The following PKP4 variants were observed in gnomAD, a reference collection of about 807,000 sequenced individuals.
PKP4 encodes the protein plakophilin-4.
In PKP4, 90 loss-of-function variants were observed where a neutral mutation model predicts 145.1. That is an observed-to-expected ratio of 0.62 (90% CI 0.52 to 0.74). PKP4 has a LOEUF of 0.74. Among genes scored for constraint, PKP4 ranks in the 30% least tolerant of loss-of-function variants. The pLI is 0.00. For missense variants in PKP4, 1,340 were observed against 1,482.7 expected, an observed-to-expected ratio of 0.90 and a Z score of 1.58; for synonymous variants, 563 against 577.2, an observed-to-expected ratio of 0.98 and a Z score of 0.35.
At chr2:158,589,780 G>T (rs2049100035) in intron 3 of PKP4, among the ~76,000 whole-genome samples, 1 of 152,062 alleles carries the variant, frequency 6.6e-6, no homozygotes, top group Admixed American at 6.6e-5. Flanking sequence ...TTACCATTTG[G>T]CAGGTTAAGG....
At chr2:158,676,572 G>C (rs1292347646) in intron 19 of PKP4, among the ~76,000 whole-genome samples, 167 bp from the exon 20 acceptor site, 1 of 152,152 alleles carries the variant, frequency 6.6e-6, no homozygotes, top group Non-Finnish European at 1.5e-5. Flanking sequence ...TGCAGTACTT[G>C]GGTCTAGCTG....
rs2052186237 is a variant in PKP4, at chr2:158,621,120, G to C, written c.411G>C (p.Glu137Asp). ...AACAGACATCTCTCCATGAAAGTGAGGGTCTGTTGTGTTATCTTTTAAGTA... is the reference window on the plus strand; with the variant it reads ...AACAGACATCTCTCCATGAAAGTGACGGTCTGTTGTGTTATCTTTTAAGTA... ...SPEQTSLHES[E>D]GSLGNSRSST... The change falls in exon 5 of 22, where the codon GAG becomes GAC. Residue 137 changes from glutamate to aspartate, a missense_variant and splice_region_variant. Glu to Asp is a conservative substitution (Grantham distance 45, BLOSUM62 2). Coordinates refer to ENST00000389759, the MANE Select transcript of PKP4 (RefSeq NM_003628.6). 1.9e-6 allele frequency: 3 copies of C among 1,614,008 alleles called. No individual in the cohort carries two copies. The highest frequency in any genetic ancestry group is 2.7e-5 in the African/African-American group (2 of 74,924).
At chr2:158,561,472 G>A (rs2046509279) in intron 2 of PKP4, among the ~76,000 whole-genome samples, 1 of 152,196 alleles carries the variant, frequency 6.6e-6, no homozygotes. Flanking sequence ...AAGCCCTGTG[G>A]TCTCATCAGC....
At chr2:158,677,008 T>TAC in intron 20 of PKP4, 141 bp downstream of exon 20, 1 of 990,206 alleles carries the variant, frequency 1.0e-6, no homozygotes, top group African/African-American at 1.6e-5. Flanking sequence ...TTCCCTTTCC[T>TAC]ACTTTGGGGA....
intron 17 of PKP4, among the ~76,000 whole-genome samples, chr2:158,672,559 T>C (rs977667084): frequency 1.3e-5 from 2 of 152,204 alleles, no homozygotes; most frequent in African/African-American, 4.8e-5. Context: ...GGTGGCTATG[T>C]GGGGCAAGTG....
At chr2:158,589,013 GT>G (rs2049033215) in intron 3 of PKP4, 1 of 152,096 alleles carries the variant, frequency 6.6e-6, no homozygotes, top group African/African-American at 2.4e-5. Context: ...ATTATTTTTA[GT>G]TTTGTGAAGA....
chr2:158,647,938 T>G (rs2054981716), intron 11 of PKP4, among the ~76,000 whole-genome samples: 1 of 152,238 alleles, frequency 6.6e-6, no homozygotes, highest in African/African-American at 2.4e-5. Flanking sequence ...TCAAAATAAT[T>G]AAATAGTGTT....
intron 3 of PKP4, among the ~76,000 whole-genome samples, chr2:158,596,663 A>G (rs867430300): frequency 7.2e-5 from 11 of 152,058 alleles, no homozygotes; most frequent in South Asian, 2.1e-4. Context: ...GTAATATTGT[A>G]AAAAACTATG....
chr2:158,670,869 A>C (rs1467839987), intron 17 of PKP4, among the ~76,000 whole-genome samples: 2 of 152,188 alleles, frequency 1.3e-5, no homozygotes, highest in African/African-American at 4.8e-5. Flanking sequence ...GCTGCTTGTC[A>C]TGGAGCTGTA....
chr2:158,650,546 TG>T (rs2105950780), intron 11 of PKP4, among the ~76,000 whole-genome samples: 1 of 152,312 alleles, frequency 6.6e-6, no homozygotes, highest in East Asian at 1.9e-4. Context: ...TTGTCCCAAC[TG>T]GGGACAAATT....
intron 2 of PKP4, among the ~76,000 whole-genome samples, chr2:158,552,954 T>TC (rs2045759627): frequency 2.6e-5 from 4 of 152,166 alleles, no homozygotes; most frequent in Admixed American, 1.3e-4. Context: ...AAAGATGCGA[T>TC]AGCCACAGAG....
chr2:158,511,325 G>T (rs1309047944), intron 1 of PKP4, among the ~76,000 whole-genome samples: 2 of 152,126 alleles, frequency 1.3e-5, no homozygotes, highest in Admixed American at 1.3e-4. Context: ...GGCGGAGGTT[G>T]CAGTGAGCCA....
Position 158,524,411 on chromosome 2 carries a change from A to C in PKP4, c.-5-8769A>C, listed in dbSNP as rs1479171332. ...TTCATAAGTGAAGGAGAAATAAAATACTTTACAGACAAGCAAATGCTGAGA... is the reference window on the plus strand; with the variant it reads ...TTCATAAGTGAAGGAGAAATAAAATCCTTTACAGACAAGCAAATGCTGAGA... On this transcript the variant is annotated intron_variant, in intron 1 of 21. Transcript: ENST00000389759. Among the ~76,000 whole-genome samples, 615 of 115,256 alleles carry C rather than the reference A, an allele frequency of 5.3e-3. 3 individuals carry two copies. Among genetic ancestry groups the C allele is most frequent in the African/African-American group, 0.019 (550 of 29,042 alleles). The allele number at this position is 115,256 out of a possible 152,430, so 75.6% of individuals were successfully genotyped here. A position where few individuals can be genotyped will look rare whatever the true frequency, so the allele number is the denominator to read the frequency against.
chr2:158,507,425 TC>T (rs1256260548), intron 1 of PKP4, among the ~76,000 whole-genome samples: 2 of 152,190 alleles, frequency 1.3e-5, no homozygotes, highest in East Asian at 3.9e-4. Context: ...GTGGTGAAGA[TC>T]AACAGAGTAC....
intron 1 of PKP4, among the ~76,000 whole-genome samples, chr2:158,520,000 C>T (rs2042236524): frequency 6.6e-6 from 1 of 152,068 alleles, no homozygotes; most frequent in African/African-American, 2.4e-5. Context: ...AAAAAATGAA[C>T]CCGTAGTACT....
chr2:158,674,270 C>T (rs1407884802), intron 19 of PKP4, among the ~76,000 whole-genome samples: 1 of 152,214 alleles, frequency 6.6e-6, no homozygotes, highest in Admixed American at 6.5e-5. Flanking sequence ...GCCCTGAAAC[C>T]TGCAGTTGAC....
intron 11 of PKP4, among the ~76,000 whole-genome samples, chr2:158,653,551 G>A (rs1014493658): frequency 6.6e-6 from 1 of 152,138 alleles, no homozygotes; most frequent in African/African-American, 2.4e-5. Context: ...GGAATAAGCA[G>A]CGTTTTCTAC....
chr2:158,640,863 T>C (rs1250567019), intron 10 of PKP4, 104 bp downstream of exon 10: 1 of 1,228,686 alleles, frequency 8.1e-7, no homozygotes, highest in Non-Finnish European at 1.2e-6. Flanking sequence ...TTCAAGAGTC[T>C]TTTTAAAGGG....
intron 1 of PKP4, among the ~76,000 whole-genome samples, chr2:158,484,066 G>A (rs1693786381): frequency 1.5e-5 from 2 of 129,780 alleles, no homozygotes; most frequent in Non-Finnish European, 3.1e-5. Context: ...ACGGAGTCTC[G>A]CTCTGTCGCC....
Sources: gnomAD v4.1 joint callset for allele counts (sites outside exome capture counted in the v4.1 genomes callset) on GRCh38, gnomAD v4.1.1 for gene constraint, MANE v1.5 for transcripts, NCBI Gene and HGNC (gene_info 2026-07-23, HGNC 2026-07-21) for gene names.